The following SLC25A13 variants were observed in gnomAD, a reference collection of about 807,000 sequenced individuals.
The protein encoded by SLC25A13 is electrogenic aspartate/glutamate antiporter SLC25A13, mitochondrial.
In SLC25A13, 70 loss-of-function variants were observed where a neutral mutation model predicts 85.5. That is an observed-to-expected ratio of 0.82 (90% CI 0.68 to 1.00). The LOEUF (loss-of-function observed/expected upper bound fraction) is 1.00. Ranked by LOEUF, SLC25A13 falls within the 50% of genes least tolerant of loss-of-function variation. The pLI, the probability that SLC25A13 is intolerant of heterozygous loss-of-function variation, is 0.00. For missense variants in SLC25A13, 765 were observed against 819.8 expected (o/e 0.93, Z 0.82); for synonymous variants, 259 against 288.7 (o/e 0.90, Z 1.04).
chr7:96,318,230 T>TA (rs1800202386), intron 1 of SLC25A13, among the ~76,000 whole-genome samples: 1 of 152,206 alleles, frequency 6.6e-6, no homozygotes, highest in Non-Finnish European at 1.5e-5. Flanking sequence ...CAAGGGAGCA[T>TA]ATTCTAACTT....
At chr7:96,123,867 G>C (rs554166586) in intron 15 of SLC25A13, among the ~76,000 whole-genome samples, 2 of 152,340 alleles carry the variant, frequency 1.3e-5, no homozygotes, top group South Asian at 2.1e-4. Flanking sequence ...ACGTCTGGTA[G>C]ATCTGCCTGC....
chr7:96,237,115 C>T (rs899848832), intron 3 of SLC25A13, among the ~76,000 whole-genome samples: 1 of 152,210 alleles, frequency 6.6e-6, no homozygotes, highest in Non-Finnish European at 1.5e-5. Flanking sequence ...CTAAACTCCA[C>T]ACTCAGAAGC....
At position 96,121,773 on chromosome 7, in the gene SLC25A13, A is replaced by G. The variant is rs748676190; in HGVS notation, c.1751-28T>C. ...TTAAAAAAATGGAGAAATCACAGAT[A>G]TAATTAGATATTTTAAAAATTTACC... On this transcript the variant is annotated intron_variant, in intron 16 of 17. Transcript: ENST00000265631. 9.9e-6 allele frequency: 16 copies of G among 1,613,502 alleles called. No individual in the cohort carries two copies. Among genetic ancestry groups the G allele is most frequent in the African/African-American group, 1.3e-5 (1 of 74,920 alleles).
At chr7:96,178,643 C>T (rs1398552658) in intron 11 of SLC25A13, among the ~76,000 whole-genome samples, 1 of 152,128 alleles carries the variant, frequency 6.6e-6, no homozygotes, top group East Asian at 1.9e-4. Flanking sequence ...CCCCGAGAAA[C>T]CCCTTTGCTT....
chr7:96,266,974 G>A (rs531247246), intron 3 of SLC25A13, among the ~76,000 whole-genome samples: 2 of 152,082 alleles, frequency 1.3e-5, no homozygotes, highest in South Asian at 2.1e-4. Context: ...CTTTTTAATC[G>A]AAGAGATGCT....
chr7:96,277,263 CA>C lies in SLC25A13; in HGVS notation c.144del (p.Phe48LeufsTer14), dbSNP rs1342668762. ...NDFVTRYLNI[F>X]GESQPNPKTV... Reference sequence around the variant, plus strand: ...GTCTTTGGATTAGGCTGGCTTTCTCCAAAAATGTTCAAGTATCGAGTGACAA... The same window carrying C: ...GTCTTTGGATTAGGCTGGCTTTCTCCAAAATGTTCAAGTATCGAGTGACAA... On this transcript the variant is annotated frameshift_variant, in exon 3 of 18. Transcript: ENST00000265631. LOFTEE classifies it high-confidence loss of function. The C allele has an allele frequency of 6.2e-7, 1 of 1,611,838 alleles. No homozygotes were observed. The highest frequency in any genetic ancestry group is 2.2e-5 in the East Asian group (1 of 44,776).
At chr7:96,128,973 T>TCTCTCTCTCC (rs1791881370) in intron 15 of SLC25A13, among the ~76,000 whole-genome samples, 1 of 150,484 alleles carries the variant, frequency 6.6e-6, no homozygotes, top group South Asian at 2.1e-4. Flanking sequence ...TCTCTCTCTC[T>TCTCTCTCTCC]CTCTCTCTCA....
chr7:96,125,276 G>A (rs1791679363), intron 15 of SLC25A13, among the ~76,000 whole-genome samples: 1 of 152,050 alleles, frequency 6.6e-6, no homozygotes, highest in Admixed American at 6.5e-5. Flanking sequence ...TTTAGTAGTA[G>A]AGACAGGGTT....
At chr7:96,219,561 G>A in intron 4 of SLC25A13, 2 of 394,318 alleles carry the variant, frequency 5.1e-6, no homozygotes, top group Admixed American at 3.0e-5. Context: ...ATGAAAGAAA[G>A]CCATAAACTA....
intron 4 of SLC25A13, among the ~76,000 whole-genome samples, chr7:96,224,380 C>G (rs1796253744): frequency 6.6e-6 from 1 of 152,164 alleles, no homozygotes; most frequent in African/African-American, 2.4e-5. Context: ...TGCTTAAGGG[C>G]CCGGCCCTGT....
At chr7:96,247,881 T>C (rs1421168410) in intron 3 of SLC25A13, among the ~76,000 whole-genome samples, 1 of 151,770 alleles carries the variant, frequency 6.6e-6, no homozygotes, top group African/African-American at 2.4e-5. Flanking sequence ...AATGAAGTAC[T>C]ATATGGTTTA....
intron 9 of SLC25A13, among the ~76,000 whole-genome samples, chr7:96,186,873 A>G (rs939228800): frequency 3.3e-5 from 5 of 152,236 alleles, no homozygotes; most frequent in African/African-American, 1.2e-4. Context: ...TAAGAGGTTT[A>G]CATATATATG....
intron 3 of SLC25A13, among the ~76,000 whole-genome samples, chr7:96,236,945 C>G (rs1478672990): frequency 6.6e-6 from 1 of 152,192 alleles, no homozygotes; most frequent in African/African-American, 2.4e-5. Context: ...GTTGAGTAAC[C>G]TTTTGACGTT....
chr7:96,303,355 G>C (rs4074930), intron 1 of SLC25A13, among the ~76,000 whole-genome samples: 1 of 151,980 alleles, frequency 6.6e-6, no homozygotes, highest in African/African-American at 2.4e-5. Flanking sequence ...GTGTGTGTGT[G>C]GGTGGGTGGG....
chr7:96,229,129 G>A (rs545338439), intron 4 of SLC25A13, among the ~76,000 whole-genome samples: 11 of 152,346 alleles, frequency 7.2e-5, no homozygotes, highest in South Asian at 2.1e-4. Context: ...AGCTCCGCCC[G>A]CAGCCCCAGT....
chr7:96,259,217 C>A (rs922390714), intron 3 of SLC25A13, among the ~76,000 whole-genome samples: 2 of 152,136 alleles, frequency 1.3e-5, no homozygotes, highest in Admixed American at 6.6e-5. Context: ...CAAATGGGAT[C>A]TAATTAAACT....
At chr7:96,264,464 C>T (rs1038575026) in intron 3 of SLC25A13, among the ~76,000 whole-genome samples, 2 of 152,188 alleles carry the variant, frequency 1.3e-5, no homozygotes, top group African/African-American at 2.4e-5. Context: ...ACTACATCTA[C>T]ACTCTCTCTC....
chr7:96,129,833 A>C (rs1791944637), intron 15 of SLC25A13, among the ~76,000 whole-genome samples: 1 of 152,244 alleles, frequency 6.6e-6, no homozygotes. Context: ...GTCTGACCCC[A>C]CAGGCACATG....
chr7:96,147,185 C>T (rs978206422), intron 13 of SLC25A13, among the ~76,000 whole-genome samples: 2 of 152,124 alleles, frequency 1.3e-5, no homozygotes, highest in South Asian at 2.1e-4. Flanking sequence ...ATGATTCTGG[C>T]AACGATTCAA....
Sources: gnomAD v4.1 joint callset for allele counts (sites outside exome capture counted in the v4.1 genomes callset) on GRCh38, gnomAD v4.1.1 for gene constraint, MANE v1.5 for transcripts, NCBI Gene and HGNC (gene_info 2026-07-23, HGNC 2026-07-21) for gene names.